Variants in FAM135B observed in about 807,000 individuals in gnomAD.
FAM135B encodes the protein family with sequence similarity 135 member B.
A neutral mutation model predicts 127.7 loss-of-function variants in FAM135B; 43 were observed. The ratio of observed to expected loss-of-function variants is 0.34; its 90% CI spans 0.26 to 0.43. The LOEUF is 0.43. Among genes scored for constraint, FAM135B ranks in the 20% least tolerant of loss-of-function variants. The pLI is 1.00. For synonymous variants in FAM135B, 670 were observed against 665.1 expected (o/e 1.01, Z -0.11); for missense variants, 1,558 against 1,725.6 (o/e 0.90, Z 1.72).
chr8:138,233,788 A>G (rs764054525), intron 7 of FAM135B, among the ~76,000 whole-genome samples: 8 of 152,088 alleles, frequency 5.3e-5, no homozygotes, highest in Admixed American at 1.3e-4. Context: ...GTTAATATCC[A>G]AAATACATAA....
chr8:138,195,399 G>A (rs1816529018), intron 8 of FAM135B, 92 bp from the exon 9 acceptor site: 3 of 1,213,896 alleles, frequency 2.5e-6, no homozygotes, highest in South Asian at 2.5e-5. Context: ...TTTCACATTG[G>A]CATTAACGTC....
chr8:138,296,444 T>C, intron 3 of FAM135B, among the ~76,000 whole-genome samples: 1 of 152,214 alleles, frequency 6.6e-6, no homozygotes, highest in East Asian at 1.9e-4. Flanking sequence ...ATGGAGCTCC[T>C]TCTTTCCCAG....
At chr8:138,149,970 A>G (rs1817990871) in intron 13 of FAM135B, among the ~76,000 whole-genome samples, 1 of 152,224 alleles carries the variant, frequency 6.6e-6, no homozygotes, top group African/African-American at 2.4e-5. Context: ...AATGACAAGT[A>G]CCATATGATA....
chr8:138,473,987 C>T (rs1027514076), intron 1 of FAM135B, among the ~76,000 whole-genome samples: 3 of 152,162 alleles, frequency 2.0e-5, no homozygotes, highest in Non-Finnish European at 4.4e-5. Context: ...GTTTGTTATG[C>T]ACACCACATA....
At chr8:138,263,251 C>T (rs1198125307) in intron 4 of FAM135B, among the ~76,000 whole-genome samples, 1 of 152,138 alleles carries the variant, frequency 6.6e-6, no homozygotes, top group East Asian at 1.9e-4. Flanking sequence ...GTGGTCCGTA[C>T]CCGTGGCTAT....
intron 12 of FAM135B, among the ~76,000 whole-genome samples, chr8:138,156,231 A>G (rs1818727978): frequency 6.6e-6 from 1 of 152,228 alleles, no homozygotes; most frequent in Non-Finnish European, 1.5e-5. Context: ...AGAAATAAAG[A>G]TGTTCTTTGA....
Position 138,151,708 on chromosome 8 carries a change from T to A in FAM135B, c.2767A>T (p.Ile923Phe), listed in dbSNP as rs549304394. ...TGAGAGAGACCCTCAACCTCTGAGA[T>A]GCCACTGTTGGAAAGAGCTTGCTGA... ...VGQQALSNSG[I>F]SEVEGLSQHQ... Residue 923 changes from isoleucine (I) to phenylalanine (F), a missense_variant, in exon 13 of 20, where the codon ATC becomes TTC. Ile to Phe is a conservative substitution (Grantham distance 21). Transcript: ENST00000395297. 1 of 1,614,202 alleles carries A rather than the reference T, an allele frequency of 6.2e-7. No homozygotes were observed. The highest frequency in any genetic ancestry group is 8.5e-7 in the Non-Finnish European group (1 of 1,180,038).
intron 2 of FAM135B, among the ~76,000 whole-genome samples, chr8:138,344,512 C>T (rs1331748418): frequency 1.3e-5 from 2 of 151,884 alleles, no homozygotes; most frequent in African/African-American, 4.8e-5. Flanking sequence ...AATGTTACGT[C>T]CTCAAAGACG....
At chr8:138,295,887 A>T (rs1307115023) in intron 3 of FAM135B, among the ~76,000 whole-genome samples, 1 of 151,944 alleles carries the variant, frequency 6.6e-6, no homozygotes, top group Non-Finnish European at 1.5e-5. Flanking sequence ...GGAAATAAAT[A>T]AAAAAATTGA....
chr8:138,238,694 G>A (rs984834785), intron 7 of FAM135B, among the ~76,000 whole-genome samples: 1 of 152,196 alleles, frequency 6.6e-6, no homozygotes, highest in African/African-American at 2.4e-5. Context: ...TACAATCTGT[G>A]CGGATTCCAA....
At chr8:138,278,319 C>G (rs911905401) in intron 3 of FAM135B, among the ~76,000 whole-genome samples, 24 of 151,242 alleles carry the variant, frequency 1.6e-4, no homozygotes, top group African/African-American at 5.3e-4. Flanking sequence ...TGAGAAAATT[C>G]TACATCCACT....
At chr8:138,270,582 G>A (rs987323653) in intron 3 of FAM135B, among the ~76,000 whole-genome samples, 6 of 152,204 alleles carry the variant, frequency 3.9e-5, no homozygotes, top group African/African-American at 1.4e-4. Context: ...AAATTTGATT[G>A]GCTCACAGTT....
At chr8:138,142,288 C>CTTTTTTTTTTT (rs71316322) in intron 16 of FAM135B, among the ~76,000 whole-genome samples, 2 of 62,396 alleles carry the variant, frequency 3.2e-5, no homozygotes, top group Non-Finnish European at 6.3e-5. Flanking sequence ...TCTGCTTCTT[C>CTTTTTTTTTTT]TTTTTTTTTT....
chr8:138,367,491 T>C, intron 2 of FAM135B: 1 of 458,152 alleles, frequency 2.2e-6, no homozygotes, highest in South Asian at 1.6e-5. Context: ...TTGAAAGATC[T>C]AGGCACAAGT....
In FAM135B at chr8:138,152,822, C is replaced by G. The variant is rs2130782770; in HGVS notation, c.1653G>C (p.Leu551=). The G allele has an allele frequency of 6.2e-7, 1 of 1,614,142 alleles. No individual in the cohort carries two copies. The highest frequency in any genetic ancestry group is 2.2e-5 in the East Asian group (1 of 44,876). ...PGPEDGQAPV[L]TYIDVKSSNK... is the part of the protein sequence containing the mutation. ...TGCTAGATTTTACGTCAATGTAGGT[C>G]AGCACTGGGGCCTGTCCATCCTCTG... Residue 551 remains leucine, a synonymous_variant, in exon 13 of 20, where the codon CTG becomes CTC. Transcript: ENST00000395297.
At chr8:138,366,231 T>C (rs138759990) in intron 2 of FAM135B, among the ~76,000 whole-genome samples, 447 of 152,304 alleles carry the variant, frequency 2.9e-3, no homozygotes, top group African/African-American at 0.01. Flanking sequence ...CGGTTTGTTA[T>C]GAAAAGTCAG....
At chr8:138,445,432 G>C (rs1400991304) in intron 1 of FAM135B, among the ~76,000 whole-genome samples, 2 of 152,160 alleles carry the variant, frequency 1.3e-5, no homozygotes, top group African/African-American at 4.8e-5. Context: ...AAATCCAGCA[G>C]CACATCAAAA....
At chr8:138,139,561 T>C in intron 17 of FAM135B, among the ~76,000 whole-genome samples, 1 of 152,088 alleles carries the variant, frequency 6.6e-6, no homozygotes, top group East Asian at 1.9e-4. Flanking sequence ...TCACCTGAGG[T>C]CAGGAGTTCG....
At chr8:138,442,221 T>A (rs1835815588) in intron 1 of FAM135B, among the ~76,000 whole-genome samples, 1 of 94,462 alleles carries the variant, frequency 1.1e-5, no homozygotes, top group Non-Finnish European at 2.0e-5. Context: ...AAATTTAACG[T>A]GAAGAATATG....
Sources: gnomAD v4.1 joint callset for allele counts (sites outside exome capture counted in the v4.1 genomes callset) on GRCh38, gnomAD v4.1.1 for gene constraint, MANE v1.5 for transcripts, NCBI Gene and HGNC (gene_info 2026-07-23, HGNC 2026-07-21) for gene names.